Variants in LRP1B observed in about 807,000 individuals in gnomAD.
LRP1B encodes low-density lipoprotein receptor-related protein 1B.
LRP1B carries 217 observed loss-of-function variants against 556.6 expected under a neutral mutation model. The observed-to-expected ratio is 0.39, with a 90% CI of 0.35 to 0.44. LRP1B has a LOEUF of 0.44. Ranked by LOEUF, LRP1B falls within the 20% of genes least tolerant of loss-of-function variation. The probability of loss-of-function intolerance (pLI) is 1.00; values close to 1 mark genes in which losing one functional copy is unlikely to be tolerated. For synonymous variants in LRP1B, 2,047 were observed against 1,865.8 expected (o/e 1.10, Z -2.50); for missense variants, 5,053 against 5,620.8 (o/e 0.90, Z 3.23).
At chr2:140,516,045 G>T (rs1689883013) in intron 50 of LRP1B, among the ~76,000 whole-genome samples, 1 of 151,958 alleles carries the variant, frequency 6.6e-6, no homozygotes, top group South Asian at 2.1e-4. Flanking sequence ...TTCTTAGTTT[G>T]ACAATGTAAC....
At chr2:140,360,945 A>G (rs1682474606) in intron 72 of LRP1B, among the ~76,000 whole-genome samples, 1 of 151,362 alleles carries the variant, frequency 6.6e-6, no homozygotes, top group African/African-American at 2.4e-5. Context: ...TTTGAGCACA[A>G]TCTCTTTAAT....
chr2:140,537,869 T>A (rs1679983701), intron 45 of LRP1B, among the ~76,000 whole-genome samples: 1 of 152,122 alleles, frequency 6.6e-6, no homozygotes, highest in Admixed American at 6.6e-5. Flanking sequence ...TTGAGGACAA[T>A]GGACTTATTT....
intron 3 of LRP1B, among the ~76,000 whole-genome samples, chr2:141,378,487 A>T (rs1689519453): frequency 6.6e-6 from 1 of 152,166 alleles, no homozygotes; most frequent in African/African-American, 2.4e-5. Flanking sequence ...CCAGCATAGG[A>T]AACATAGTGA....
chr2:140,866,374 T>A (rs1321024445), intron 27 of LRP1B, among the ~76,000 whole-genome samples: 4 of 152,148 alleles, frequency 2.6e-5, no homozygotes, highest in Non-Finnish European at 5.9e-5. Context: ...AAATTCAATA[T>A]ATCTACTAAA....
chr2:140,521,791 T>A (rs1690186690), intron 49 of LRP1B, among the ~76,000 whole-genome samples: 1 of 151,952 alleles, frequency 6.6e-6, no homozygotes, highest in African/African-American at 2.4e-5. Context: ...TCTGACATAA[T>A]GACACCCATA....
intron 1 of LRP1B, among the ~76,000 whole-genome samples, chr2:142,061,070 T>C (rs575912662): frequency 3.3e-5 from 5 of 152,082 alleles, no homozygotes; most frequent in Admixed American, 2.0e-4. Flanking sequence ...GAAACAGATA[T>C]GGAAAGAAAT....
At chr2:141,649,172 T>G (rs1298473445) in intron 2 of LRP1B, among the ~76,000 whole-genome samples, 1 of 152,100 alleles carries the variant, frequency 6.6e-6, no homozygotes, top group Non-Finnish European at 1.5e-5. Flanking sequence ...CAAATTGAAA[T>G]GAGGACTAAG....
intron 1 of LRP1B, among the ~76,000 whole-genome samples, chr2:141,825,832 A>G (rs11886631): frequency 0.28 from 42,524 of 152,108 alleles, 6,024 homozygotes; most frequent in Admixed American, 0.33. Flanking sequence ...AGAGGTAACC[A>G]TAAGGACCCA....
chr2:140,624,292 T>C (rs1683572348), intron 41 of LRP1B, among the ~76,000 whole-genome samples: 1 of 152,138 alleles, frequency 6.6e-6, no homozygotes, highest in South Asian at 2.1e-4. Flanking sequence ...TTCTGAAATC[T>C]GAAGCTTGTT....
At chr2:141,840,181 A>G (rs1378017885) in intron 1 of LRP1B, among the ~76,000 whole-genome samples, 3 of 151,620 alleles carry the variant, frequency 2.0e-5, no homozygotes, top group Non-Finnish European at 4.4e-5. Flanking sequence ...ACCAATTTGT[A>G]TAATTGAGGT....
At chr2:141,310,147 T>C (rs1483996248) in intron 3 of LRP1B, among the ~76,000 whole-genome samples, 1 of 152,132 alleles carries the variant, frequency 6.6e-6, no homozygotes, top group Non-Finnish European at 1.5e-5. Context: ...ATAGTCAGTT[T>C]ACTACAACAT....
chr2:140,336,289 T>G (rs1380448886), intron 77 of LRP1B, among the ~76,000 whole-genome samples: 1 of 152,030 alleles, frequency 6.6e-6, no homozygotes, highest in Non-Finnish European at 1.5e-5. Context: ...TTTTAATCTT[T>G]TCATTGCTCA....
chr2:141,405,242 A>T (rs893105593), intron 3 of LRP1B, among the ~76,000 whole-genome samples: 3 of 152,182 alleles, frequency 2.0e-5, no homozygotes, highest in Non-Finnish European at 2.9e-5. Context: ...TACCAAAATG[A>T]TTGCTTTCAG....
intron 29 of LRP1B, among the ~76,000 whole-genome samples, chr2:140,848,967 A>G (rs571402410): frequency 1.2e-4 from 19 of 152,184 alleles, no homozygotes; most frequent in Admixed American, 1.0e-3. Context: ...CTATAATTCA[A>G]CCTGCTGGAT....
chr2:140,472,644 C>T (rs1164965440), intron 60 of LRP1B, among the ~76,000 whole-genome samples: 1 of 151,942 alleles, frequency 6.6e-6, no homozygotes, highest in African/African-American at 2.4e-5. Context: ...AACTTTAAGT[C>T]ACAGAATTTT....
At chr2:141,041,093 T>C (rs977794644) in intron 11 of LRP1B, among the ~76,000 whole-genome samples, 1 of 151,956 alleles carries the variant, frequency 6.6e-6, no homozygotes, top group African/African-American at 2.4e-5. Flanking sequence ...AATTAAAGAG[T>C]AATGTATAAT....
At chr2:141,247,129 G>T in intron 5 of LRP1B, 97 bp downstream of exon 5, 1 of 1,366,890 alleles carries the variant, frequency 7.3e-7, no homozygotes, top group Non-Finnish European at 1.0e-6. Flanking sequence ...TCTCTTCAAA[G>T]TCCATATTTC....
chr2:141,779,334 T>C (rs62158043), intron 2 of LRP1B, among the ~76,000 whole-genome samples: 11,123 of 152,156 alleles, frequency 0.073, 519 homozygotes, highest in Non-Finnish European at 0.1. Context: ...CTTCAAATGA[T>C]TTCCCTCTAG....
intron 44 of LRP1B, among the ~76,000 whole-genome samples, 162 bp downstream of exon 44, chr2:140,541,617 T>C (rs1013276547): frequency 6.6e-6 from 1 of 151,910 alleles, no homozygotes; most frequent in Non-Finnish European, 1.5e-5. Flanking sequence ...TGAACACTAT[T>C]CCTAAGAACT....
Sources: allele counts gnomAD v4.1 joint callset (sites outside exome capture counted in the v4.1 genomes callset), GRCh38; gene constraint gnomAD v4.1.1; transcripts MANE v1.5; gene names NCBI Gene and HGNC (gene_info 2026-07-23, HGNC 2026-07-21).